The following TRPC7 variants were observed in gnomAD, a reference collection of about 807,000 sequenced individuals.
TRPC7 encodes short transient receptor potential channel 7.
TRPC7 carries 42 observed loss-of-function variants against 90.1 expected under a neutral mutation model. That is an observed-to-expected ratio of 0.47 (90% CI 0.36 to 0.60). The LOEUF (loss-of-function observed/expected upper bound fraction) is 0.60. Among genes scored for constraint, TRPC7 ranks in the 20% least tolerant of loss-of-function variants. The pLI is 0.00. For missense variants in TRPC7, 955 were observed against 1,112.3 expected (o/e 0.86, Z 2.01); for synonymous variants, 451 against 436.3 (o/e 1.03, Z -0.42).
chr5:136,233,263 T>C (rs1755875574), intron 7 of TRPC7, among the ~76,000 whole-genome samples: 1 of 152,230 alleles, frequency 6.6e-6, no homozygotes, highest in Middle Eastern at 3.2e-3. Context: ...TAGCGAGAAA[T>C]AATTTAGTTG....
chr5:136,258,489 C>G lies in TRPC7; in HGVS notation c.1346-6607G>C, dbSNP rs535077737. On this transcript the variant is annotated intron_variant, in intron 5 of 11. Transcript: ENST00000513104. ...TAAGCATGCGCCCCCACCCTGCTCC[C>G]TACACTTGAGCCTCCTTCAGGCAAA... Among the ~76,000 whole-genome samples the G allele has an allele frequency of 3.2e-3, 483 of 152,316 alleles. 1 individual carries two copies. The highest frequency in any genetic ancestry group is 5.4e-3 in the Non-Finnish European group (365 of 68,014).
chr5:136,355,099 T>G (rs926251953), intron 2 of TRPC7, among the ~76,000 whole-genome samples: 3 of 152,222 alleles, frequency 2.0e-5, no homozygotes, highest in African/African-American at 7.2e-5. Context: ...CAGCTCTGTG[T>G]GCAATACCTC....
rs1319311600 is a variant in TRPC7, at chr5:136,315,590, A to G, written c.963+7T>C. ...ATGGGAAGACCAGGAGAGATGGGGG[A>G]GCTTACCTTCTTGACTTCATATTTA... On this transcript the variant is annotated splice_region_variant and intron_variant, in intron 3 of 11. Transcript: ENST00000513104. The G allele has an allele frequency of 6.2e-7, 1 of 1,612,788 alleles. No homozygotes were observed. The highest frequency in any genetic ancestry group is 2.2e-5 in the East Asian group (1 of 44,804).
chr5:136,348,025 C>G (rs1355308275), intron 2 of TRPC7, among the ~76,000 whole-genome samples: 1 of 152,178 alleles, frequency 6.6e-6, no homozygotes, highest in Non-Finnish European at 1.5e-5. Context: ...ATATGTCACT[C>G]ACCCCTTCCT....
chr5:136,215,694 A>G (rs1432955443), intron 11 of TRPC7, among the ~76,000 whole-genome samples: 2 of 151,954 alleles, frequency 1.3e-5, no homozygotes, highest in Non-Finnish European at 2.9e-5. Flanking sequence ...GTGGTGGCAC[A>G]CACCTGTGAT....
intron 2 of TRPC7, among the ~76,000 whole-genome samples, chr5:136,354,921 G>C (rs902709448): frequency 6.6e-6 from 1 of 152,186 alleles, no homozygotes; most frequent in Non-Finnish European, 1.5e-5. Flanking sequence ...TACTCATTAA[G>C]GCCCAACCCA....
intron 5 of TRPC7, among the ~76,000 whole-genome samples, 155 bp downstream of exon 5, chr5:136,266,065 C>T (rs1010424908): frequency 6.6e-6 from 1 of 152,162 alleles, no homozygotes; most frequent in Non-Finnish European, 1.5e-5. Context: ...ATCTTAAAGA[C>T]AGAAGTTGAC....
intron 3 of TRPC7, among the ~76,000 whole-genome samples, chr5:136,276,027 G>A (rs1757354445): frequency 6.6e-6 from 1 of 152,120 alleles, no homozygotes; most frequent in African/African-American, 2.4e-5. Context: ...GCTTGATCCA[G>A]CATATTGGCT....
intron 2 of TRPC7, among the ~76,000 whole-genome samples, chr5:136,356,338 C>T (rs1760373882): frequency 6.6e-6 from 1 of 152,242 alleles, no homozygotes; most frequent in Non-Finnish European, 1.5e-5. Flanking sequence ...CATAATCCTG[C>T]CTGCACTCGC....
At chr5:136,322,181 AT>A (rs1392409552) in intron 2 of TRPC7, among the ~76,000 whole-genome samples, 1 of 151,846 alleles carries the variant, frequency 6.6e-6, no homozygotes, top group Non-Finnish European at 1.5e-5. Context: ...AGCCCTGCTA[AT>A]TTTTGTATTT....
intron 2 of TRPC7, among the ~76,000 whole-genome samples, chr5:136,319,431 T>C (rs548832028): frequency 2.0e-5 from 3 of 152,248 alleles, no homozygotes; most frequent in African/African-American, 7.2e-5. Context: ...TTTCCCTACT[T>C]GCTCATCATA....
chr5:136,306,253 G>A (rs1758624562), intron 3 of TRPC7, among the ~76,000 whole-genome samples: 1 of 152,108 alleles, frequency 6.6e-6, no homozygotes, highest in South Asian at 2.1e-4. Flanking sequence ...CTAATCATAT[G>A]TCCTAGGTCC....
intron 7 of TRPC7, among the ~76,000 whole-genome samples, chr5:136,241,902 T>C (rs1580853260): frequency 6.6e-6 from 1 of 152,336 alleles, no homozygotes; most frequent in Non-Finnish European, 1.5e-5. Flanking sequence ...ATTTCATCTA[T>C]GAGCATGGAC....
At chr5:136,232,479 G>C (rs532098043) in intron 7 of TRPC7, among the ~76,000 whole-genome samples, 4 of 152,346 alleles carry the variant, frequency 2.6e-5, no homozygotes, top group African/African-American at 9.6e-5. Flanking sequence ...TCAAGAATGA[G>C]AGTGGGGATT....
At chr5:136,256,053 G>A (rs546007709) in intron 5 of TRPC7, among the ~76,000 whole-genome samples, 2 of 152,328 alleles carry the variant, frequency 1.3e-5, no homozygotes, top group Admixed American at 1.3e-4. Flanking sequence ...TATATTTAGA[G>A]GGATTCACGT....
chr5:136,341,510 A>G (rs900970266), intron 2 of TRPC7, among the ~76,000 whole-genome samples: 1 of 152,112 alleles, frequency 6.6e-6, no homozygotes, highest in African/African-American at 2.4e-5. Context: ...TAAATAAAAG[A>G]TTTATGCCCA....
chr5:136,309,025 T>C (rs1209060089), intron 3 of TRPC7, among the ~76,000 whole-genome samples: 1 of 152,210 alleles, frequency 6.6e-6, no homozygotes, highest in Admixed American at 6.5e-5. Flanking sequence ...GGACTTCTGA[T>C]AGAGTAAGAG....
At chr5:136,342,870 C>A (rs1183761124) in intron 2 of TRPC7, among the ~76,000 whole-genome samples, 1 of 151,902 alleles carries the variant, frequency 6.6e-6, no homozygotes, top group Non-Finnish European at 1.5e-5. Flanking sequence ...AAAACAAAGT[C>A]CTATGATGAA....
chr5:136,274,869 C>G, intron 3 of TRPC7, 32 bp from the exon 4 acceptor site: 1 of 1,546,680 alleles, frequency 6.5e-7, no homozygotes, highest in South Asian at 1.2e-5. Flanking sequence ...AAAAACAAAA[C>G]GCAAACAGGA....
Sources: gnomAD v4.1 joint callset for allele counts (sites outside exome capture counted in the v4.1 genomes callset) on GRCh38, gnomAD v4.1.1 for gene constraint, MANE v1.5 for transcripts, NCBI Gene and HGNC (gene_info 2026-07-23, HGNC 2026-07-21) for gene names.